Variants in LOC122455342 observed in about 807,000 individuals in gnomAD.
chr17:76,569,014 T>C, the LOC122455342 span: 1 of 293,886 alleles, frequency 3.4e-6, no homozygotes. Context: ...GGGCGGGGTG[T>C]AGGAGAGAGA....
chr17:76,568,921 T>A, the LOC122455342 span: 1 of 823,644 alleles, frequency 1.2e-6, no homozygotes, highest in Non-Finnish European at 2.0e-6. Flanking sequence ...GGGCTGGGAG[T>A]AGTAGCGGGA....
the LOC122455342 span, chr17:76,569,001 C>G: frequency 1.8e-6 from 1 of 565,442 alleles, no homozygotes; most frequent in Non-Finnish European, 3.1e-6. Flanking sequence ...CCAGGACCTC[C>G]ACGGGCGGGG....
chr17:76,568,826 G>A, the LOC122455342 span: 187 of 1,609,166 alleles, frequency 1.2e-4, no homozygotes, highest in South Asian at 1.3e-3. Context: ...TGGACAGAGC[G>A]CCCAGAGCCG....
At chr17:76,569,277 G>A in the LOC122455342 span, 4 of 333,792 alleles carry the variant, frequency 1.2e-5, no homozygotes, top group Non-Finnish European at 2.1e-5. Flanking sequence ...GAATTGGCCC[G>A]ATATAGGAAG....
At chr17:76,569,240 AG>A in the LOC122455342 span, 1 of 247,934 alleles carries the variant, frequency 4.0e-6, no homozygotes, top group Non-Finnish European at 6.8e-6. Context: ...CGGGGCACAT[AG>A]GGGGTGATAT....
the LOC122455342 span, chr17:76,569,211 G>T: frequency 4.4e-6 from 1 of 227,074 alleles, no homozygotes; most frequent in South Asian, 2.2e-4. Flanking sequence ...GCTGGAAAAA[G>T]GGGGGCTCCT....
chr17:76,569,395 G>A, the LOC122455342 span: 2 of 396,056 alleles, frequency 5.0e-6, no homozygotes. Context: ...TTTGGAGGTG[G>A]GTGGGGTGGG....
chr17:76,568,984 C>A, the LOC122455342 span: 2 of 592,894 alleles, frequency 3.4e-6, no homozygotes, highest in South Asian at 4.0e-5. Context: ...GTGCGGCTTC[C>A]CGCTCACCAG....
chr17:76,569,461 G>A, the LOC122455342 span: 9 of 377,322 alleles, frequency 2.4e-5, no homozygotes, highest in African/African-American at 9.0e-5. Flanking sequence ...GTTCAGGGAC[G>A]AAGTCCGGGA....
chr17:76,569,590 C>T, the LOC122455342 span: 9 of 392,760 alleles, frequency 2.3e-5, no homozygotes, highest in East Asian at 7.2e-5. Flanking sequence ...GTTGTTGGAA[C>T]GGGACTGGGA....
the LOC122455342 span, chr17:76,568,939 G>A: frequency 1.4e-6 from 1 of 699,292 alleles, no homozygotes; most frequent in South Asian, 1.7e-5. Flanking sequence ...GGAGAAGGGG[G>A]TGTAGAAGGT....
the LOC122455342 span, chr17:76,568,962 G>GTTGGGGACCACGTGC: frequency 6.4e-6 from 4 of 625,632 alleles, no homozygotes; most frequent in South Asian, 7.5e-5. Context: ...CAGGCAGTAC[G>GTTGGGGACCACGTGC]TTGGGGACCA....
At chr17:76,568,798 TAGGACCC>T in the LOC122455342 span, 1 of 1,612,856 alleles carries the variant, frequency 6.2e-7, no homozygotes, top group South Asian at 1.1e-5. Context: ...GCGTGCGGCC[TAGGACCC>T]ATGATAGAAG....
chr17:76,569,331 G>A, the LOC122455342 span: 4 of 390,246 alleles, frequency 1.0e-5, no homozygotes, highest in Admixed American at 4.6e-5. Flanking sequence ...GGGGCACAGC[G>A]GGGGTTAGGG....
At chr17:76,569,482 G>C in the LOC122455342 span, 2 of 365,328 alleles carry the variant, frequency 5.5e-6, no homozygotes, top group East Asian at 7.7e-5. Flanking sequence ...AGAGGGCTGT[G>C]AGGCATTTGG....
the LOC122455342 span, chr17:76,569,535 G>C: frequency 1.0e-5 from 4 of 394,654 alleles, no homozygotes; most frequent in Non-Finnish European, 8.9e-6. Flanking sequence ...AGCCCCGAGT[G>C]GGGGAGGGGG....
chr17:76,568,844 G>C, the LOC122455342 span: 1 of 1,591,284 alleles, frequency 6.3e-7, no homozygotes, highest in Admixed American at 1.7e-5. Context: ...CCGTCGTATT[G>C]CAAGGGGGAG....
At chr17:76,568,873 G>A in the LOC122455342 span, 1 of 1,447,152 alleles carries the variant, frequency 6.9e-7, no homozygotes, top group South Asian at 1.2e-5. Flanking sequence ...GAGGGTCAGG[G>A]CGCCGGAGTA....
the LOC122455342 span, chr17:76,568,971 C>T: frequency 3.3e-6 from 2 of 606,596 alleles, no homozygotes; most frequent in South Asian, 3.9e-5. Flanking sequence ...CGTTGGGGAC[C>T]ACGTGCGGCT....
Sources: gnomAD v4.1 joint callset for allele counts on GRCh38, gnomAD v4.1.1 for gene constraint, MANE v1.5 for transcripts.